The following ZNF646 variants were observed in gnomAD, a reference collection of about 807,000 sequenced individuals.
ZNF646 encodes the protein zinc finger protein 646.
A neutral mutation model predicts 115.4 loss-of-function variants in ZNF646; 49 were observed. The observed-to-expected ratio is 0.42, with a 90% CI of 0.34 to 0.54. The LOEUF is 0.54. Among genes scored for constraint, ZNF646 ranks in the 20% least tolerant of loss-of-function variants. The pLI is 0.04. For missense variants in ZNF646, 2,269 were observed against 2,457.9 expected, an observed-to-expected ratio of 0.92 and a Z score of 1.62; for synonymous variants, 933 against 939.0, an observed-to-expected ratio of 0.99 and a Z score of 0.12.
chr16:31,077,572 CA>C lies in ZNF646; in HGVS notation c.1253del (p.Asn418ThrfsTer64). On this transcript the variant is annotated frameshift_variant, in exon 2 of 3. Transcript: ENST00000300850. LOFTEE classifies it high-confidence loss of function. ...SKQLFNAAAL[K>X]NHVRAHHRPR... ...AGCAGCTGTTCAATGCGGCTGCCCT[CA>C]AAAACCATGTGCGGGCTCATCACAG... 6.2e-7 allele frequency: 1 copy of C among 1,613,332 alleles called. No homozygotes were observed. The highest frequency in any genetic ancestry group is 8.5e-7 in the Non-Finnish European group (1 of 1,179,610).
rs142227883 is a variant in ZNF646 at position 31,080,722 on chromosome 16, G to A, written c.4398G>A (p.Pro1466=). The change falls in exon 2 of 3, where the codon CCG becomes CCA. Residue 1466 remains proline, a synonymous_variant. Transcript: ENST00000300850. ...GTGCAGGGAAGGCAGGTGGGTGGCC[G>A]GTAGGTGGGGGACTGGGGAATCATA... ...SWGAGKAGGW[P]VGGGLGNHSG... is the part of the protein sequence containing the mutation. 295 of 1,613,602 alleles carry A rather than the reference G, an allele frequency of 1.8e-4. No homozygotes were observed. The highest frequency in any genetic ancestry group is 2.1e-4 in the Non-Finnish European group (244 of 1,179,988).
In ZNF646 at chr16:31,077,534, T is replaced by G. The variant is rs1251577251; in HGVS notation, c.1210T>G (p.Ser404Ala). The change falls in exon 2 of 3, where the codon TCA (serine) becomes GCA (alanine). Residue 404 changes from serine (S) to alanine (A), a missense_variant. Around this residue, in one of 5 missense-constraint regions of ZNF646, gnomAD observed 852 missense variants for 900.2 expected, o/e 0.95. Coordinates refer to ENST00000300850, the MANE Select transcript of ZNF646 (RefSeq NM_014699.4). ...CCACCAGACAGGTGTCTACCCCTGCTCACTCTGTTCTAAGCAGCTGTTCAA... is the reference window on the plus strand; with the variant it reads ...CCACCAGACAGGTGTCTACCCCTGCGCACTCTGTTCTAAGCAGCTGTTCAA... ...KSHQTGVYPC[S>A]LCSKQLFNAA... 1.2e-6 allele frequency: 2 copies of G among 1,613,354 alleles called. No homozygotes were observed. Among genetic ancestry groups the G allele is most frequent in the Non-Finnish European group, 1.7e-6 (2 of 1,179,820 alleles).
At position 31,079,461 on chromosome 16, in the gene ZNF646, A is replaced by G. The variant is rs2057125191; in HGVS notation, c.3137A>G (p.Glu1046Gly). 12 of 1,613,430 alleles carry G rather than the reference A, an allele frequency of 7.4e-6. No homozygotes were observed. The highest frequency in any genetic ancestry group is 1.0e-5 in the Non-Finnish European group (12 of 1,179,896). Residue 1046 changes from glutamate to glycine, a missense_variant, in exon 2 of 3, where the codon GAG becomes GGG. Physicochemically the swap from Glu to Gly is moderately conservative, Grantham distance 98 (BLOSUM62 -2). Coordinates refer to ENST00000300850, the MANE Select transcript of ZNF646 (RefSeq NM_014699.4). This position sits in a 1 kb window ranked among gnomAD's most constrained non-coding sequence, Gnocchi z 5.5. ...ATCCAGGGTGGGGAAAGTTTGTTGG[A>G]GGCTCAGCCCCGCCCCTTCCGCTGC... ...LCIQGGESLL[E>G]AQPRPFRCNQ...
rs1173146058 is a variant in ZNF646 at position 31,081,287 on chromosome 16, A to G, written c.4963A>G (p.Ser1655Gly). ...PSETPRGPGE[S>G]VERARGGQAV... Reference sequence around the variant, plus strand: ...AGAAACCCCCAGAGGCCCAGGAGAGAGTGTGGAGAGAGCCAGGGGAGGACA... The same window carrying G: ...AGAAACCCCCAGAGGCCCAGGAGAGGGTGTGGAGAGAGCCAGGGGAGGACA... Residue 1655 changes from serine (S) to glycine (G), a missense_variant, in exon 2 of 3, where the codon AGT (serine) becomes GGT (glycine). Around this residue, in one of 5 missense-constraint regions of ZNF646, gnomAD observed 1,062 missense variants for 1,172.8 expected, o/e 0.91. Coordinates refer to ENST00000300850, the MANE Select transcript of ZNF646 (RefSeq NM_014699.4). 7 of 1,613,114 alleles carry G rather than the reference A, an allele frequency of 4.3e-6. No homozygotes were observed. The highest frequency in any genetic ancestry group is 5.9e-6 in the Non-Finnish European group (7 of 1,179,468).
At chr16:31,075,301 G>T (rs905565775) in intron 1 of ZNF646, among the ~76,000 whole-genome samples, 1 of 152,168 alleles carries the variant, frequency 6.6e-6, no homozygotes, top group Non-Finnish European at 1.5e-5. Context: ...GTCTTTTGGG[G>T]TTTTTTGTTT....
Position 31,083,520 on chromosome 16 carries a change from G to A in ZNF646, c.*428G>A. 1 of 1,368,738 alleles carries A rather than the reference G, an allele frequency of 7.3e-7. No individual in the cohort carries two copies. The highest frequency in any genetic ancestry group is 9.5e-7 in the Non-Finnish European group (1 of 1,058,080). The allele number at this position is 1,368,738 out of a possible 1,614,324, so 84.8% of individuals were successfully genotyped here. Reference sequence around the variant, plus strand: ...AAGAAATTTTCAAAACAACGTGGCTGGCGTGATTGTATCTGAAAGGGTAAA... The same window carrying A: ...AAGAAATTTTCAAAACAACGTGGCTAGCGTGATTGTATCTGAAAGGGTAAA... On this transcript the variant is annotated 3_prime_UTR_variant, in exon 3 of 3. Transcript: ENST00000300850.
Position 31,084,043 on chromosome 16 carries a change from A to G in ZNF646, c.*951A>G, listed in dbSNP as rs867326329. 12 of 1,519,510 alleles carry G rather than the reference A, an allele frequency of 7.9e-6. No homozygotes were observed. Among genetic ancestry groups the G allele is most frequent in the Middle Eastern group, 2.0e-4 (1 of 4,910 alleles). 94.1% of individuals were successfully genotyped at this position (1,519,510 alleles called of 1,614,324 possible). A position where few individuals can be genotyped will look rare whatever the true frequency, so the allele number is the denominator to read the frequency against. On this transcript the variant is annotated 3_prime_UTR_variant, in exon 3 of 3. Coordinates refer to ENST00000300850, the MANE Select transcript of ZNF646 (RefSeq NM_014699.4). ...CTACCCAAGGCAGCTGGAGTGGGTT[A>G]GAACGGCACGTTCTCACTGGAGAGA...
chr16:31,077,738 C>T lies in ZNF646; in HGVS notation c.1414C>T (p.Arg472Cys), dbSNP rs746450050. ...HRPYKCSECG[R>C]AYRHRGSLVN... ...GCCCTATAAGTGCAGTGAGTGTGGTCGTGCTTACCGCCACCGGGGGAGCCT... is the reference window on the plus strand; with the variant it reads ...GCCCTATAAGTGCAGTGAGTGTGGTTGTGCTTACCGCCACCGGGGGAGCCT... The change falls in exon 2 of 3, where the codon CGT becomes TGT. Residue 472 changes from arginine (R) to cysteine (C), a missense_variant. By Grantham distance (180) the Arg-to-Cys change is radical. This residue lies in a region of ZNF646 where 852 missense variants were observed against 900.2 expected (regional missense o/e 0.95). Coordinates refer to ENST00000300850, the MANE Select transcript of ZNF646 (RefSeq NM_014699.4). 1.1e-5 allele frequency: 17 copies of T among 1,613,878 alleles called. No individual in the cohort carries two copies. Among genetic ancestry groups the T allele is most frequent in the South Asian group, 2.2e-5 (2 of 91,070 alleles).
Position 31,081,605 on chromosome 16 carries a change from T to A in ZNF646, c.5281T>A (p.Phe1761Ile). The A allele has an allele frequency of 6.2e-7, 1 of 1,608,806 alleles. No individual in the cohort carries two copies. Residue 1761 changes from phenylalanine (F) to isoleucine (I), a missense_variant, in exon 2 of 3, where the codon TTC becomes ATC. Around this residue, in one of 5 missense-constraint regions of ZNF646, gnomAD observed 1,062 missense variants for 1,172.8 expected, o/e 0.91. Coordinates refer to ENST00000300850, the MANE Select transcript of ZNF646 (RefSeq NM_014699.4). ...GGTCCATGCACCCCGGGAGGGGCCT[T>A]TCACCTGCCCCCATTGTCCCCGCCA... ...GRVHAPREGP[F>I]TCPHCPRHFR... is the part of the protein sequence containing the mutation.
At position 31,083,547 on chromosome 16, in the gene ZNF646, G is replaced by A. The variant is rs900518478; in HGVS notation, c.*455G>A. On this transcript the variant is annotated 3_prime_UTR_variant, in exon 3 of 3. Transcript: ENST00000300850. ...CGTGATTGTATCTGAAAGGGTAAAGGAGGAGGAAAGCTGAGACGCCTGCTT... is the reference window on the plus strand; with the variant it reads ...CGTGATTGTATCTGAAAGGGTAAAGAAGGAGGAAAGCTGAGACGCCTGCTT... The A allele has an allele frequency of 2.1e-6, 3 of 1,426,072 alleles. No individual in the cohort carries two copies. The highest frequency in any genetic ancestry group is 1.4e-5 in the African/African-American group (1 of 69,224). The allele number at this position is 1,426,072 out of a possible 1,614,324, so 88.3% of individuals were successfully genotyped here.
In ZNF646 at chr16:31,079,273, G is replaced by A. The variant is rs373982672; in HGVS notation, c.2949G>A (p.Gly983=). 6 of 1,613,820 alleles carry A rather than the reference G, an allele frequency of 3.7e-6. No individual in the cohort carries two copies. The African/African-American group carries it at 4.0e-5, about 11-fold the overall frequency. The part of the protein sequence containing the change: ...LERHHQSQSS[G]TTADKAPSPL... The stretch of plus-strand genomic sequence containing the variant: ...GTCACCACCAAAGTCAGAGTTCTGG[G>A]ACTACTGCAGACAAGGCTCCCAGCC... The change falls in exon 2 of 3, where the codon GGG becomes GGA. Residue 983 remains glycine (G), a synonymous_variant. Coordinates refer to ENST00000300850, the MANE Select transcript of ZNF646 (RefSeq NM_014699.4). This position sits in a 1 kb window ranked among gnomAD's most constrained non-coding sequence, Gnocchi z 5.5.
upstream of ZNF646, chr16:31,072,905 C>T (rs1041844703): frequency 6.7e-6 from 1 of 149,668 alleles, no homozygotes; most frequent in Non-Finnish European, 1.5e-5. Context: ...GAACCCCCTT[C>T]CCTAGTGCCC....
At chr16:31,082,318 C>T (rs1795971639) in intron 2 of ZNF646, 1 of 172,224 alleles carries the variant, frequency 5.8e-6, no homozygotes, top group Admixed American at 6.5e-5. Context: ...GCTCCCATCT[C>T]TTCTCTAACC....
In ZNF646 at chr16:31,083,941, G is replaced by A; in HGVS notation, c.*849G>A. On this transcript the variant is annotated 3_prime_UTR_variant, in exon 3 of 3. Coordinates refer to ENST00000300850, the MANE Select transcript of ZNF646 (RefSeq NM_014699.4). ...GATGAGAATACTGAGGCTCAAAGCG[G>A]TTGAGCAGCCTGCTCCAAGTCACAC... is the stretch of plus-strand genomic sequence containing the variant. The A allele has an allele frequency of 1.3e-6, 2 of 1,528,706 alleles. No homozygotes were observed. The highest frequency in any genetic ancestry group is 1.8e-6 in the Non-Finnish European group (2 of 1,133,914). The allele number at this position is 1,528,706 out of a possible 1,614,324, so 94.7% of individuals were successfully genotyped here.
rs569925187 is a variant in ZNF646 at position 31,081,739 on chromosome 16, A to G, written c.5377+38A>G. On this transcript the variant is annotated intron_variant, in intron 2 of 2. Transcript: ENST00000300850. ...AAGGGTCCCAGGAGGAGGTGGGCAC[A>G]CAGTGGAGGGGGAAGTCCAGCCCCA... is the stretch of plus-strand genomic sequence containing the variant. 5.2e-5 allele frequency: 80 copies of G among 1,529,084 alleles called. 2 individuals carry two copies. The South Asian group carries it at 1.0e-3, about 19-fold the overall frequency. The allele number at this position is 1,529,084 out of a possible 1,614,324, so 94.7% of individuals were successfully genotyped here.
At position 31,078,156 on chromosome 16, in the gene ZNF646, T is replaced by C. The variant is rs1317243654; in HGVS notation, c.1832T>C (p.Met611Thr). The change falls in exon 2 of 3, where the codon ATG becomes ACG. Residue 611 changes from methionine to threonine, a missense_variant. Around this residue, in one of 5 missense-constraint regions of ZNF646, gnomAD observed 852 missense variants for 900.2 expected, o/e 0.95. Transcript: ENST00000300850. ...EKENSRTETT[M>T]SPPRAFACRD... ...GAAAATAGCAGAACAGAGACCACAATGTCACCTCCTAGGGCCTTTGCCTGC... is the reference window on the plus strand; with the variant it reads ...GAAAATAGCAGAACAGAGACCACAACGTCACCTCCTAGGGCCTTTGCCTGC... The C allele has an allele frequency of 2.5e-6, 4 of 1,613,962 alleles. No homozygotes were observed. The highest frequency in any genetic ancestry group is 3.3e-4 in the Middle Eastern group (2 of 6,062).
At chr16:31,075,458 C>T (rs922687243) in intron 1 of ZNF646, among the ~76,000 whole-genome samples, 4 of 152,040 alleles carry the variant, frequency 2.6e-5, no homozygotes, top group African/African-American at 9.7e-5. Flanking sequence ...CCACCACGCC[C>T]GGCTAATTTT....
At position 31,080,981 on chromosome 16, in the gene ZNF646, AAGAC is replaced by A; in HGVS notation, c.4662_4665del (p.Arg1556ThrfsTer11). 6.2e-7 allele frequency: 1 copy of A among 1,614,110 alleles called. No individual in the cohort carries two copies. Among genetic ancestry groups the A allele is most frequent in the Non-Finnish European group, 8.5e-7 (1 of 1,180,038 alleles). Reference sequence around the variant, plus strand: ...CAGCCTCTTGAACCACAACACCAACAAGACAGACCGACACTATTGCCTGCTCTGC... The same window carrying A: ...CAGCCTCTTGAACCACAACACCAACAAGACCGACACTATTGCCTGCTCTGC... On this transcript the variant is annotated frameshift_variant, in exon 2 of 3. Coordinates refer to ENST00000300850, the MANE Select transcript of ZNF646 (RefSeq NM_014699.4). LOFTEE classifies it high-confidence loss of function.
intron 2 of ZNF646, chr16:31,082,186 G>C (rs999918419): frequency 5.1e-6 from 1 of 198,002 alleles, no homozygotes; most frequent in African/African-American, 2.4e-5. Flanking sequence ...CTTCCCTGCT[G>C]ACTTGGCCAC....
Sources: allele counts gnomAD v4.1 joint callset (sites outside exome capture counted in the v4.1 genomes callset), GRCh38; gene constraint gnomAD v4.1.1; regional missense constraint gnomAD v4.1.1; non-coding constraint Gnocchi (gnomAD v3.1); transcripts MANE v1.5; gene names NCBI Gene and HGNC (gene_info 2026-07-23, HGNC 2026-07-21).